NYAP2: variants seen among roughly 807,000 people sequenced by gnomAD.
The protein encoded by NYAP2 is neuronal tyrosine-phosphorylated phosphoinositide-3-kinase adaptor 2.
In NYAP2, 23 loss-of-function variants were observed where a neutral mutation model predicts 50.4. That is an observed-to-expected ratio of 0.46 (90% CI 0.33 to 0.65). The LOEUF (loss-of-function observed/expected upper bound fraction) is 0.65, where lower values mean the gene tolerates loss of function less well. Among genes scored for constraint, NYAP2 ranks in the 30% least tolerant of loss-of-function variants. The probability of loss-of-function intolerance (pLI) is 0.02; values close to 1 mark genes in which losing one functional copy is unlikely to be tolerated. For synonymous variants in NYAP2, 394 were observed against 365.2 expected, an observed-to-expected ratio of 1.08 and a Z score of -0.90; for missense variants, 885 against 861.0, an observed-to-expected ratio of 1.03 and a Z score of -0.35.
intron 4 of NYAP2, among the ~76,000 whole-genome samples, chr2:225,573,777 A>G (rs1692120186): frequency 6.6e-6 from 1 of 152,132 alleles, no homozygotes; most frequent in Admixed American, 6.6e-5. Flanking sequence ...TTGGTCTAAG[A>G]GGTCTTTCAC....
At chr2:225,583,130 G>A in intron 5 of NYAP2, 95 bp downstream of exon 5, 1 of 1,368,292 alleles carries the variant, frequency 7.3e-7, no homozygotes, top group Non-Finnish European at 9.7e-7. Flanking sequence ...CAGAGTACGG[G>A]GTCTTGAGGC....
At chr2:225,600,542 C>T (rs879738168) in intron 5 of NYAP2, among the ~76,000 whole-genome samples, 1 of 152,136 alleles carries the variant, frequency 6.6e-6, no homozygotes, top group Non-Finnish European at 1.5e-5. Flanking sequence ...GTTAGTTCAT[C>T]TTACACTCAG....
chr2:225,514,617 C>T (rs1391307229), intron 4 of NYAP2, among the ~76,000 whole-genome samples: 1 of 152,110 alleles, frequency 6.6e-6, no homozygotes. Flanking sequence ...GCTCTCCTTC[C>T]CTTTCTACCT....
chr2:225,538,531 G>T (rs1360546874), intron 4 of NYAP2, among the ~76,000 whole-genome samples: 1 of 152,148 alleles, frequency 6.6e-6, no homozygotes, highest in African/African-American at 2.4e-5. Context: ...GGGATGCAGG[G>T]CACCAAGTCC....
intron 6 of NYAP2, among the ~76,000 whole-genome samples, chr2:225,649,989 A>G (rs1427724993): frequency 6.6e-6 from 1 of 152,200 alleles, no homozygotes; most frequent in Admixed American, 6.5e-5. Context: ...TTATTTGCCA[A>G]GAAAGAAAAC....
At chr2:225,513,166 A>T (rs1047607691) in intron 3 of NYAP2, among the ~76,000 whole-genome samples, 1 of 152,118 alleles carries the variant, frequency 6.6e-6, no homozygotes, top group Non-Finnish European at 1.5e-5. Context: ...TCTATGCAGT[A>T]TTTTTTCTTT....
intron 4 of NYAP2, among the ~76,000 whole-genome samples, chr2:225,580,838 C>T (rs1174285953): frequency 1.3e-5 from 2 of 152,036 alleles, no homozygotes; most frequent in African/African-American, 4.8e-5. Flanking sequence ...CTTGTTAGCT[C>T]CTCACAGTCT....
intron 3 of NYAP2, among the ~76,000 whole-genome samples, chr2:225,467,317 A>C (rs4674993): frequency 6.6e-6 from 1 of 151,928 alleles, no homozygotes; most frequent in Admixed American, 6.6e-5. Flanking sequence ...GGTTTTTCCT[A>C]CCTATTGGGA....
intron 6 of NYAP2, among the ~76,000 whole-genome samples, chr2:225,628,942 G>A (rs552770511): frequency 6.6e-6 from 1 of 152,184 alleles, no homozygotes; most frequent in Admixed American, 6.5e-5. Context: ...ATAGACAACT[G>A]CAGTATACTG....
At chr2:225,546,094 C>T (rs756199843) in intron 4 of NYAP2, among the ~76,000 whole-genome samples, 2 of 152,126 alleles carry the variant, frequency 1.3e-5, no homozygotes, top group African/African-American at 4.8e-5. Flanking sequence ...ACAAACACCC[C>T]TGTGGCCACC....
chr2:225,460,190 G>A (rs1345060429), intron 3 of NYAP2, among the ~76,000 whole-genome samples: 1 of 152,108 alleles, frequency 6.6e-6, no homozygotes, highest in East Asian at 1.9e-4. Flanking sequence ...ATTAGCTCTT[G>A]AAAGATTTCA....
At position 225,631,752 on chromosome 2, in the gene NYAP2, T is replaced by C. The variant is rs555634127; in HGVS notation, c.1828+4626T>C. On this transcript the variant is annotated intron_variant, in intron 6 of 6. Transcript: ENST00000636099. ...GTTCTGAACTAGAAAATGCCAAAAATGGCAAAAATGTATAGAGTATCTGAA... is the reference window on the plus strand; with the variant it reads ...GTTCTGAACTAGAAAATGCCAAAAACGGCAAAAATGTATAGAGTATCTGAA... 2.0e-5 allele frequency among the ~76,000 whole-genome samples: 3 copies of C among 152,280 alleles called. No homozygotes were observed. The East Asian group carries it at 5.8e-4, about 29-fold the overall frequency.
In NYAP2 at chr2:225,434,910, C is replaced by T. The variant is rs543886627; in HGVS notation, c.221+25809C>T. ...ATACATCATATATGATTAGACTTGTCGAATACCTCAATGCTGAATTAATCC... is the reference window on the plus strand; with the variant it reads ...ATACATCATATATGATTAGACTTGTTGAATACCTCAATGCTGAATTAATCC... On this transcript the variant is annotated intron_variant, in intron 3 of 6. Transcript: ENST00000636099. Among the ~76,000 whole-genome samples, 27 of 152,162 alleles carry T rather than the reference C, an allele frequency of 1.8e-4. No individual in the cohort carries two copies. In the Middle Eastern group the frequency reaches 0.01, roughly 58 times the overall value.
At chr2:225,573,683 A>C (rs1559218372) in intron 4 of NYAP2, among the ~76,000 whole-genome samples, 1 of 152,220 alleles carries the variant, frequency 6.6e-6, no homozygotes, top group Non-Finnish European at 1.5e-5. Context: ...TGGAACGTTG[A>C]AGAATGCTTC....
chr2:225,640,150 A>T (rs1171668290), intron 6 of NYAP2, among the ~76,000 whole-genome samples: 1 of 152,178 alleles, frequency 6.6e-6, no homozygotes, highest in Non-Finnish European at 1.5e-5. Flanking sequence ...AAACAGATTT[A>T]TGGAGATCAA....
chr2:225,463,106 A>G (rs1438319052), intron 3 of NYAP2, among the ~76,000 whole-genome samples: 1 of 152,360 alleles, frequency 6.6e-6, no homozygotes, highest in East Asian at 1.9e-4. Context: ...TAGTGGTATA[A>G]TATATGCATA....
At chr2:225,422,665 T>C (rs370128468) in intron 3 of NYAP2, among the ~76,000 whole-genome samples, 3 of 151,664 alleles carry the variant, frequency 2.0e-5, no homozygotes, top group African/African-American at 7.3e-5. Flanking sequence ...AAAATACAAC[T>C]GGAAAAAAGT....
At chr2:225,410,279 G>C (rs1464463152) in intron 3 of NYAP2, among the ~76,000 whole-genome samples, 1 of 152,016 alleles carries the variant, frequency 6.6e-6, no homozygotes, top group Non-Finnish European at 1.5e-5. Context: ...TATAGAAATT[G>C]CATAATTGAT....
intron 3 of NYAP2, among the ~76,000 whole-genome samples, chr2:225,471,361 T>G (rs1167489300): frequency 6.6e-6 from 1 of 152,272 alleles, no homozygotes; most frequent in Non-Finnish European, 1.5e-5. Flanking sequence ...TTTTGTGACT[T>G]TGATCCTTGA....
Sources: gnomAD v4.1 joint callset for allele counts (sites outside exome capture counted in the v4.1 genomes callset) on GRCh38, gnomAD v4.1.1 for gene constraint, MANE v1.5 for transcripts, NCBI Gene and HGNC (gene_info 2026-07-23, HGNC 2026-07-21) for gene names.